NCALD: variants seen among roughly 807,000 people sequenced by gnomAD.
NCALD encodes neurocalcin delta.
A neutral mutation model predicts 18.6 loss-of-function variants in NCALD; 10 were observed. That is an observed-to-expected ratio of 0.54 (90% confidence interval 0.33 to 0.91). The LOEUF is 0.91. Ranked by LOEUF, NCALD falls within the 40% of genes least tolerant of loss-of-function variation. The pLI is 0.03. For synonymous variants in NCALD, 88 were observed against 87.4 expected (o/e 1.01, Z -0.04); for missense variants, 184 against 247.6 (o/e 0.74, Z 1.72).
chr8:101,958,800 T>C (rs1009463430), intron 2 of NCALD, among the ~76,000 whole-genome samples: 2 of 152,152 alleles, frequency 1.3e-5, no homozygotes, highest in African/African-American at 4.8e-5. Flanking sequence ...AACTGGACAG[T>C]ATATGAATGA....
intron 1 of NCALD, among the ~76,000 whole-genome samples, chr8:102,048,459 CTCTT>C (rs1823323521): frequency 6.6e-6 from 1 of 152,178 alleles, no homozygotes; most frequent in Admixed American, 6.5e-5. Context: ...CACTCAGAGA[CTCTT>C]TCTCTGTACT....
At chr8:102,037,539 G>A (rs1822912849) in intron 1 of NCALD, among the ~76,000 whole-genome samples, 1 of 152,154 alleles carries the variant, frequency 6.6e-6, no homozygotes, top group African/African-American at 2.4e-5. Flanking sequence ...TATTATATAT[G>A]TCAAAATATC....
intron 1 of NCALD, among the ~76,000 whole-genome samples, chr8:102,028,314 G>A (rs920751473): frequency 3.3e-5 from 5 of 152,218 alleles, no homozygotes; most frequent in Non-Finnish European, 5.9e-5. Context: ...AATGAAGAGA[G>A]TATGACTACG....
chr8:101,736,574 C>A (rs911876176), intron 1 of NCALD, among the ~76,000 whole-genome samples: 1 of 152,174 alleles, frequency 6.6e-6, no homozygotes, highest in Non-Finnish European at 1.5e-5. Context: ...TTAAACCTGG[C>A]CATGTCCGAC....
chr8:101,871,433 G>T (rs1166190426), intron 4 of NCALD, among the ~76,000 whole-genome samples: 1 of 152,078 alleles, frequency 6.6e-6, no homozygotes, highest in East Asian at 1.9e-4. Context: ...GAACTCATCG[G>T]CTTTGACAGG....
chr8:101,927,442 G>T (rs1408962080), intron 2 of NCALD, among the ~76,000 whole-genome samples: 1 of 152,220 alleles, frequency 6.6e-6, no homozygotes, highest in Admixed American at 6.5e-5. Context: ...GCAGAGAAGG[G>T]TCTGCGTGTG....
intron 1 of NCALD, among the ~76,000 whole-genome samples, chr8:102,047,387 C>T (rs1315638677): frequency 6.6e-6 from 1 of 152,158 alleles, no homozygotes; most frequent in Non-Finnish European, 1.5e-5. Context: ...TTGATATACT[C>T]TAGAGCAGCA....
At chr8:101,709,837 A>G (rs906757675) in intron 2 of NCALD, among the ~76,000 whole-genome samples, 1 of 152,204 alleles carries the variant, frequency 6.6e-6, no homozygotes, top group Admixed American at 6.6e-5. Context: ...ATGGGAGGAG[A>G]GAATCTGCTG....
chr8:101,847,891 C>G (rs191318778), intron 4 of NCALD, among the ~76,000 whole-genome samples: 2 of 152,180 alleles, frequency 1.3e-5, no homozygotes, highest in Non-Finnish European at 2.9e-5. Flanking sequence ...TTAGATAAGA[C>G]AGTTTAACTT....
intron 2 of NCALD, among the ~76,000 whole-genome samples, chr8:101,708,851 T>C (rs1815652248): frequency 6.6e-6 from 1 of 152,074 alleles, no homozygotes; most frequent in South Asian, 2.1e-4. Context: ...GCTGTGTTTG[T>C]AAAAGGAGAA....
At chr8:101,996,950 T>C (rs981746264) in intron 2 of NCALD, among the ~76,000 whole-genome samples, 2 of 152,262 alleles carry the variant, frequency 1.3e-5, no homozygotes, top group Admixed American at 6.5e-5. Flanking sequence ...AACTACTACC[T>C]GCCTGCTCGA....
chr8:102,120,904 T>C lies in NCALD; in HGVS notation c.-210+3333A>G, dbSNP rs79387548. Among the ~76,000 whole-genome samples the C allele has an allele frequency of 2.2e-3, 331 of 152,378 alleles. 1 individual carries two copies. Among genetic ancestry groups the C allele is most frequent in the South Asian group, 4.6e-3 (22 of 4,832 alleles). On this transcript the variant is annotated intron_variant, in intron 1 of 6. Coordinates refer to the NCALD transcript ENST00000311028. ...CTAGGGACTTTTAACTCATGTGCTC[T>C]ATCCCTGATTTCTGTCTTCATTATC...
intron 4 of NCALD, among the ~76,000 whole-genome samples, chr8:101,862,760 A>AT (rs1331941944): frequency 2.0e-5 from 3 of 152,210 alleles, no homozygotes; most frequent in Non-Finnish European, 4.4e-5. Flanking sequence ...GTTAGGTCAC[A>AT]TGCCCTGTCC....
chr8:102,050,820 T>C (rs1337980447), intron 1 of NCALD, among the ~76,000 whole-genome samples: 2 of 146,634 alleles, frequency 1.4e-5, no homozygotes, highest in Non-Finnish European at 3.0e-5. Context: ...TAATCATTTT[T>C]AATTTAATTA....
intron 1 of NCALD, among the ~76,000 whole-genome samples, chr8:102,100,389 T>C (rs1447426051): frequency 6.6e-6 from 1 of 152,248 alleles, no homozygotes; most frequent in Non-Finnish European, 1.5e-5. Flanking sequence ...TTTAACAATT[T>C]TAAAGAATCC....
intron 4 of NCALD, among the ~76,000 whole-genome samples, chr8:101,866,660 C>G (rs915995063): frequency 6.6e-6 from 1 of 152,158 alleles, no homozygotes; most frequent in Non-Finnish European, 1.5e-5. Context: ...TCCTTACACC[C>G]CAGCCAGATA....
intron 2 of NCALD, among the ~76,000 whole-genome samples, chr8:102,000,285 G>A (rs1821403368): frequency 6.6e-6 from 1 of 152,194 alleles, no homozygotes; most frequent in African/African-American, 2.4e-5. Context: ...TGCTAGCACA[G>A]CAGTCTGAGA....
intron 1 of NCALD, among the ~76,000 whole-genome samples, chr8:102,083,531 T>C (rs1008489541): frequency 5.3e-5 from 8 of 152,166 alleles, no homozygotes; most frequent in Non-Finnish European, 1.0e-4. Context: ...CTTTAACTTT[T>C]TAAAAAATTA....
intron 1 of NCALD, among the ~76,000 whole-genome samples, chr8:102,118,422 T>G (rs1211108511): frequency 1.3e-5 from 2 of 152,268 alleles, no homozygotes; most frequent in Admixed American, 1.3e-4. Context: ...TTTCCTCAGT[T>G]ACTGCCTTCT....
Sources: gnomAD v4.1 joint callset for allele counts (sites outside exome capture counted in the v4.1 genomes callset) on GRCh38, gnomAD v4.1.1 for gene constraint, MANE v1.5 for transcripts, NCBI Gene and HGNC (gene_info 2026-07-23, HGNC 2026-07-21) for gene names.